The following FBXL17 variants were observed in gnomAD, a reference collection of about 807,000 sequenced individuals.
The protein encoded by FBXL17 is F-box/LRR-repeat protein 17.
FBXL17 carries 22 observed loss-of-function variants against 66.2 expected under a neutral mutation model. The ratio of observed to expected loss-of-function variants is 0.33; its 90% CI spans 0.24 to 0.47. The LOEUF is 0.47. Ranked by LOEUF, FBXL17 falls within the 20% of genes least tolerant of loss-of-function variation. The pLI, the probability that FBXL17 is intolerant of heterozygous loss-of-function variation, is 1.00. For synonymous variants in FBXL17, 474 were observed against 400.5 expected, an observed-to-expected ratio of 1.18 and a Z score of -2.19; for missense variants, 878 against 948.2, an observed-to-expected ratio of 0.93 and a Z score of 0.97.
intron 6 of FBXL17, among the ~76,000 whole-genome samples, chr5:108,039,501 A>C (rs1334017583): frequency 6.6e-6 from 1 of 152,092 alleles, no homozygotes; most frequent in Non-Finnish European, 1.5e-5. Context: ...TATATAGGCT[A>C]GTTGTAAAAA....
At chr5:108,125,098 A>G (rs1750645863) in intron 6 of FBXL17, among the ~76,000 whole-genome samples, 1 of 152,014 alleles carries the variant, frequency 6.6e-6, no homozygotes, top group African/African-American at 2.4e-5. Flanking sequence ...ACCAGAAACT[A>G]CAAAATTCTG....
At chr5:107,935,965 GTA>G (rs1318713620) in intron 7 of FBXL17, among the ~76,000 whole-genome samples, 1 of 152,260 alleles carries the variant, frequency 6.6e-6, no homozygotes, top group East Asian at 1.9e-4. Flanking sequence ...GTAGGGTCAA[GTA>G]CACAGAAAAA....
chr5:108,212,638 C>G (rs1046675714), intron 5 of FBXL17, among the ~76,000 whole-genome samples: 5 of 152,210 alleles, frequency 3.3e-5, no homozygotes, highest in African/African-American at 9.6e-5. Context: ...ATATCACCAG[C>G]AGAGGCTGCA....
intron 4 of FBXL17, among the ~76,000 whole-genome samples, chr5:108,243,386 A>G (rs1755949819): frequency 6.6e-6 from 1 of 152,220 alleles, no homozygotes. Flanking sequence ...AAGGTAATTC[A>G]AAAAGTAATC....
intron 4 of FBXL17, among the ~76,000 whole-genome samples, chr5:108,338,181 G>T (rs1746634489): frequency 8.9e-6 from 1 of 112,050 alleles, no homozygotes; most frequent in Non-Finnish European, 1.8e-5. Context: ...TGTTCTCAGA[G>T]GAGTTACAAT....
chr5:108,094,150 G>A (rs529873260), intron 6 of FBXL17, among the ~76,000 whole-genome samples: 3 of 152,038 alleles, frequency 2.0e-5, no homozygotes, highest in Admixed American at 6.6e-5. Flanking sequence ...GGCACAAAAC[G>A]CAATCTATAG....
chr5:108,085,920 T>C (rs1748952046), intron 6 of FBXL17, among the ~76,000 whole-genome samples: 1 of 152,172 alleles, frequency 6.6e-6, no homozygotes, highest in Admixed American at 6.5e-5. Flanking sequence ...TTAGATGCTG[T>C]CTCAGTAATA....
chr5:108,225,057 C>G (rs1580648395), intron 4 of FBXL17, among the ~76,000 whole-genome samples: 1 of 152,262 alleles, frequency 6.6e-6, no homozygotes, highest in East Asian at 1.9e-4. Flanking sequence ...TTCACCACCC[C>G]CCAAAGACCC....
chr5:108,214,013 G>A lies in FBXL17; in HGVS notation c.1614+10108C>T, dbSNP rs373421842. 4.2e-4 allele frequency among the ~76,000 whole-genome samples: 64 copies of A among 152,178 alleles called. 1 individual carries two copies. Among genetic ancestry groups the A allele is most frequent in the African/African-American group, 1.3e-3 (56 of 41,510 alleles). The stretch of plus-strand genomic sequence containing the variant: ...CCTTATCTGCAGTTTCACTTTCCAC[G>A]AGTGGTACCAGTTACCCAAGGTACA... On this transcript the variant is annotated intron_variant, in intron 5 of 8. Coordinates refer to ENST00000542267, the MANE Select transcript of FBXL17 (RefSeq NM_001163315.3).
chr5:108,190,952 G>A (rs1158221608), intron 5 of FBXL17, among the ~76,000 whole-genome samples: 1 of 152,108 alleles, frequency 6.6e-6, no homozygotes, highest in Non-Finnish European at 1.5e-5. Flanking sequence ...CAGCTTTCTG[G>A]GCTCATGTGC....
Position 107,859,752 on chromosome 5 carries a change from A to T in FBXL17, c.*1968T>A, listed in dbSNP as rs370848670. On this transcript the variant is annotated 3_prime_UTR_variant, in exon 9 of 9. Transcript: ENST00000542267. Reference sequence around the variant, plus strand: ...CTCCCTTCTTTTGTCTTTTTTAACTATTTAAAATATAGTATGACATATATA... The same window carrying T: ...CTCCCTTCTTTTGTCTTTTTTAACTTTTTAAAATATAGTATGACATATATA... 2.6e-5 allele frequency: 4 copies of T among 152,082 alleles called. No individual in the cohort carries two copies. In the East Asian group the frequency reaches 7.7e-4, roughly 29 times the overall value. 9.4% of individuals were successfully genotyped at this position (152,082 alleles called of 1,614,324 possible). A position where few individuals can be genotyped will look rare whatever the true frequency, so the allele number is the denominator to read the frequency against.
intron 6 of FBXL17, among the ~76,000 whole-genome samples, chr5:108,180,189 A>G (rs970423753): frequency 3.9e-5 from 6 of 152,340 alleles, no homozygotes; most frequent in Admixed American, 3.3e-4. Flanking sequence ...TGCAACTTCA[A>G]ATGGTCTTAT....
chr5:107,979,629 T>C (rs1314686513), intron 7 of FBXL17, among the ~76,000 whole-genome samples: 1 of 152,180 alleles, frequency 6.6e-6, no homozygotes, highest in African/African-American at 2.4e-5. Flanking sequence ...CCTCTGGAAA[T>C]GAGGCAGCAA....
chr5:108,165,835 G>A (rs575740779), intron 6 of FBXL17, among the ~76,000 whole-genome samples: 2 of 152,274 alleles, frequency 1.3e-5, no homozygotes, highest in East Asian at 3.9e-4. Flanking sequence ...TTAATCTGCT[G>A]CTTATTAATG....
chr5:108,233,605 C>T (rs1208397055), intron 4 of FBXL17, among the ~76,000 whole-genome samples: 1 of 152,170 alleles, frequency 6.6e-6, no homozygotes, highest in Non-Finnish European at 1.5e-5. Context: ...CAACATGATT[C>T]ACATGGCAGA....
At chr5:108,346,022 G>A (rs1580859171) in intron 4 of FBXL17, among the ~76,000 whole-genome samples, 3 of 152,036 alleles carry the variant, frequency 2.0e-5, no homozygotes, top group South Asian at 2.1e-4. Flanking sequence ...TTCTCTGTAC[G>A]TACCTGTATT....
intron 6 of FBXL17, among the ~76,000 whole-genome samples, chr5:108,047,682 C>T (rs182017466): frequency 7.2e-5 from 11 of 152,262 alleles, no homozygotes; most frequent in South Asian, 6.2e-4. Context: ...CATACTGCGG[C>T]CAGAGCACCT....
At chr5:108,069,783 T>A (rs1035431922) in intron 6 of FBXL17, among the ~76,000 whole-genome samples, 6 of 152,210 alleles carry the variant, frequency 3.9e-5, no homozygotes, top group African/African-American at 1.2e-4. Flanking sequence ...TCCTTACATA[T>A]ATCTTTCTAA....
At chr5:108,086,866 T>C (rs551329193) in intron 6 of FBXL17, among the ~76,000 whole-genome samples, 1 of 152,212 alleles carries the variant, frequency 6.6e-6, no homozygotes, top group East Asian at 1.9e-4. Context: ...CCGCCAGCTG[T>C]GACTCTTACA....
Sources: allele counts gnomAD v4.1 joint callset (sites outside exome capture counted in the v4.1 genomes callset), GRCh38; gene constraint gnomAD v4.1.1; transcripts MANE v1.5; gene names NCBI Gene and HGNC (gene_info 2026-07-23, HGNC 2026-07-21).